FEZ1: variants seen among roughly 807,000 people sequenced by gnomAD.
FEZ1 encodes fasciculation and elongation protein zeta 1, also known as fasciculation and elongation protein zeta-1.
FEZ1 carries 20 observed loss-of-function variants against 49.3 expected under a neutral mutation model. The ratio of observed to expected loss-of-function variants is 0.41; its 90% confidence interval spans 0.29 to 0.59. The LOEUF (loss-of-function observed/expected upper bound fraction) is 0.59. Among genes scored for constraint, FEZ1 ranks in the 20% least tolerant of loss-of-function variants. The probability of loss-of-function intolerance (pLI) is 0.36; values close to 1 mark genes in which losing one functional copy is unlikely to be tolerated. For missense variants in FEZ1, 413 were observed against 476.0 expected (o/e 0.87, Z 1.23); for synonymous variants, 170 against 180.9 (o/e 0.94, Z 0.48).
chr11:125,447,923 C>T (rs1396017339), intron 9 of FEZ1, among the ~76,000 whole-genome samples: 2 of 151,820 alleles, frequency 1.3e-5, no homozygotes, highest in Non-Finnish European at 2.9e-5. Flanking sequence ...AAATGCATAC[C>T]GAAATAGTTA....
intron 2 of FEZ1, among the ~76,000 whole-genome samples, chr11:125,487,653 A>C (rs771854312): frequency 2.6e-5 from 4 of 152,202 alleles, no homozygotes; most frequent in Non-Finnish European, 5.9e-5. Flanking sequence ...CTGTGATCAT[A>C]CCTTCCGGCC....
chr11:125,462,619 A>G lies in FEZ1; in HGVS notation c.498+865T>C, dbSNP rs568501468. ...TGGCTCCTATCAGAGACTGACCCCAACTATCCCAAGTGTCAAGAATGACAT... is the reference window on the plus strand; with the variant it reads ...TGGCTCCTATCAGAGACTGACCCCAGCTATCCCAAGTGTCAAGAATGACAT... On this transcript the variant is annotated intron_variant, in intron 4 of 9. Coordinates refer to ENST00000278919, the MANE Select transcript of FEZ1 (RefSeq NM_005103.5). Among the ~76,000 whole-genome samples, 96 of 152,306 alleles carry G rather than the reference A, an allele frequency of 6.3e-4. 1 individual carries two copies. Among genetic ancestry groups the G allele is most frequent in the African/African-American group, 2.1e-3 (89 of 41,582 alleles).
chr11:125,464,525 C>T (rs576792866), intron 3 of FEZ1, among the ~76,000 whole-genome samples: 2 of 152,258 alleles, frequency 1.3e-5, no homozygotes, highest in East Asian at 3.9e-4. Flanking sequence ...GCTGGCACAC[C>T]GATTGGCCCC....
chr11:125,478,274 C>T (rs964525678), intron 3 of FEZ1, among the ~76,000 whole-genome samples: 7 of 152,154 alleles, frequency 4.6e-5, no homozygotes, highest in African/African-American at 9.7e-5. Flanking sequence ...GAAACCCCAT[C>T]TCTACAAAAA....
intron 3 of FEZ1, among the ~76,000 whole-genome samples, chr11:125,465,785 G>A (rs1271688483): frequency 6.6e-6 from 1 of 152,132 alleles, no homozygotes. Flanking sequence ...TCCAGCGTTT[G>A]ATTCTGATCC....
Position 125,460,575 on chromosome 11 carries a change from G to A in FEZ1, c.590C>T (p.Ser197Phe). The change falls in exon 5 of 10, where the codon TCC (serine) becomes TTC (phenylalanine). Residue 197 changes from serine (S) to phenylalanine (F), a missense_variant. Physicochemically the swap from Ser to Phe is radical, Grantham distance 155. Coordinates refer to ENST00000278919, the MANE Select transcript of FEZ1 (RefSeq NM_005103.5). ...VLEEEDGGETSSQADSVLLQE... is the reference protein window; with the variant it reads ...VLEEEDGGETFSQADSVLLQE... ...CAGGAGGACCGAGTCTGCCTGGGAG[G>A]AAGTTTCTCCTCCATCCTCTTCTTC... 1 of 1,614,132 alleles carries A rather than the reference G, an allele frequency of 6.2e-7. No individual in the cohort carries two copies. Among genetic ancestry groups the A allele is most frequent in the Non-Finnish European group, 8.5e-7 (1 of 1,180,004 alleles).
intron 4 of FEZ1, among the ~76,000 whole-genome samples, chr11:125,462,495 G>A (rs1031575321): frequency 6.6e-6 from 1 of 152,172 alleles, no homozygotes; most frequent in Admixed American, 6.5e-5. Context: ...GGGAAAACAG[G>A]TATTTGGGAC....
intron 3 of FEZ1, among the ~76,000 whole-genome samples, chr11:125,464,212 G>A (rs1166148064): frequency 6.6e-6 from 1 of 152,104 alleles, no homozygotes; most frequent in African/African-American, 2.4e-5. Flanking sequence ...CATTTGCCCT[G>A]TGTCTCTATA....
intron 3 of FEZ1, among the ~76,000 whole-genome samples, chr11:125,477,862 A>C (rs1957246008): frequency 6.6e-6 from 1 of 151,994 alleles, no homozygotes; most frequent in Non-Finnish European, 1.5e-5. Flanking sequence ...TATGCAAAAA[A>C]AAAAAAAGGC....
chr11:125,461,168 G>A (rs958257906), intron 4 of FEZ1, among the ~76,000 whole-genome samples: 2 of 152,148 alleles, frequency 1.3e-5, no homozygotes, highest in Non-Finnish European at 2.9e-5. Flanking sequence ...AGCAACAAAT[G>A]AAAATAGAGA....
rs189130389 is a variant in FEZ1 at position 125,442,938 on chromosome 11, G to A, written c.*3157C>T. 2.4e-3 allele frequency among the ~76,000 whole-genome samples: 369 copies of A among 152,108 alleles called. No homozygotes were observed. Among genetic ancestry groups the A allele is most frequent in the Non-Finnish European group, 4.5e-3 (306 of 68,004 alleles). On this transcript the variant is annotated 3_prime_UTR_variant, in exon 10 of 10. Coordinates refer to ENST00000278919, the MANE Select transcript of FEZ1 (RefSeq NM_005103.5). ...TTCAGTAGAGAGGGGGTTTCACCAT[G>A]TTGGCCAGGCTGGTCTCAAACTCCT...
At chr11:125,447,445 T>C (rs12282505) in intron 9 of FEZ1, among the ~76,000 whole-genome samples, 1,700 of 152,272 alleles carry the variant, frequency 0.011, 30 homozygotes, top group African/African-American at 0.03. Context: ...AACCTACTGA[T>C]CTTTATTGGC....
intron 1 of FEZ1, among the ~76,000 whole-genome samples, chr11:125,491,023 G>A (rs1957376408): frequency 2.6e-5 from 4 of 152,062 alleles, no homozygotes; most frequent in Admixed American, 2.6e-4. Context: ...CAAAGTTCTG[G>A]GATTACAGGC....
intron 1 of FEZ1, among the ~76,000 whole-genome samples, chr11:125,493,360 AGAAAAGAAAGAAAGAAAG>A (rs1565306669): frequency 1.3e-4 from 13 of 103,902 alleles, no homozygotes; most frequent in Non-Finnish European, 2.0e-4. Flanking sequence ...AAAGAAAGAG[AGAAAAGAAAGAAAGAAAG>A]AAAGAAAGAA....
Position 125,495,579 on chromosome 11 carries a change from C to G in FEZ1, c.-46+542G>C, listed in dbSNP as rs1388814084. ...GCAGGAATGCGCGGTCTGGGGAAGGCTCCGCACTCTGGGGAGGGGCACGAG... is the reference window on the plus strand; with the variant it reads ...GCAGGAATGCGCGGTCTGGGGAAGGGTCCGCACTCTGGGGAGGGGCACGAG... On this transcript the variant is annotated intron_variant, in intron 1 of 9. Coordinates refer to ENST00000278919, the MANE Select transcript of FEZ1 (RefSeq NM_005103.5). The surrounding 1 kb of genome is among the most constrained non-coding windows in gnomAD (Gnocchi z 4.2). 5.3e-5 allele frequency: 25 copies of G among 470,676 alleles called. 1 individual carries two copies. The East Asian group carries it at 1.7e-3, about 33-fold the overall frequency. The allele number at this position is 470,676 out of a possible 1,614,324, so 29.2% of individuals were successfully genotyped here. A position where few individuals can be genotyped will look rare whatever the true frequency, so the allele number is the denominator to read the frequency against.
At chr11:125,455,761 G>A in intron 6 of FEZ1, 74 bp downstream of exon 6, 4 of 1,477,660 alleles carry the variant, frequency 2.7e-6, no homozygotes, top group Non-Finnish European at 3.8e-6. Flanking sequence ...GTCCCCTGCA[G>A]GGTTGGTAGG....
At chr11:125,485,245 A>G (rs1957316533) in intron 2 of FEZ1, among the ~76,000 whole-genome samples, 1 of 152,094 alleles carries the variant, frequency 6.6e-6, no homozygotes, top group African/African-American at 2.4e-5. Flanking sequence ...CATATTTTAT[A>G]GCTTGGGCTT....
At chr11:125,448,430 G>A in intron 9 of FEZ1, 72 bp downstream of exon 9, 2 of 1,009,664 alleles carry the variant, frequency 2.0e-6, no homozygotes, top group South Asian at 2.6e-5. Context: ...GGGCAAGCTG[G>A]GAAGGTTCCC....
chr11:125,486,386 G>A (rs1341879014), intron 2 of FEZ1, among the ~76,000 whole-genome samples: 29 of 152,162 alleles, frequency 1.9e-4, no homozygotes, highest in Admixed American at 1.9e-3. Context: ...AAGGAAGAGG[G>A]TGGTCACATA....
Sources: allele counts gnomAD v4.1 joint callset (sites outside exome capture counted in the v4.1 genomes callset), GRCh38; gene constraint gnomAD v4.1.1; non-coding constraint Gnocchi (gnomAD v3.1); transcripts MANE v1.5; gene names NCBI Gene and HGNC (gene_info 2026-07-23, HGNC 2026-07-21).